Variants in PIK3CB observed in about 807,000 individuals in gnomAD.
PIK3CB encodes the protein phosphatidylinositol 4,5-bisphosphate 3-kinase catalytic subunit beta isoform.
In PIK3CB, 39 loss-of-function variants were observed where a neutral mutation model predicts 136.8. The ratio of observed to expected loss-of-function variants is 0.29; its 90% CI spans 0.22 to 0.37. The LOEUF (loss-of-function observed/expected upper bound fraction) is 0.37. PIK3CB is among the 10% of genes least tolerant of loss of function. The pLI, the probability that PIK3CB is intolerant of heterozygous loss-of-function variation, is 1.00. For missense variants in PIK3CB, 868 were observed against 1,275.4 expected, an observed-to-expected ratio of 0.68 and a Z score of 4.87; for synonymous variants, 428 against 436.6, an observed-to-expected ratio of 0.98 and a Z score of 0.25.
rs765346419 is a variant in PIK3CB at position 138,724,786 on chromosome 3, C to T, written c.1050+8575G>A. Among the ~76,000 whole-genome samples the T allele has an allele frequency of 2.2e-4, 34 of 152,254 alleles. No homozygotes were observed. The South Asian group carries it at 3.1e-3, about 14-fold the overall frequency. On this transcript the variant is annotated intron_variant, in intron 8 of 23. Coordinates refer to ENST00000674063, the MANE Select transcript of PIK3CB (RefSeq NM_006219.3). The stretch of plus-strand genomic sequence containing the variant: ...AGGAAATGACAAGGGACTTAAGGAG[C>T]TCTGTGCCAAAAGCCACGGCGGAGA...
chr3:138,734,553 A>G, intron 7 of PIK3CB, 81 bp downstream of exon 7: 2 of 1,024,048 alleles, frequency 2.0e-6, no homozygotes, highest in Non-Finnish European at 2.8e-6. Flanking sequence ...AAGTGAGCAA[A>G]GGAAATATGT....
At chr3:138,784,191 G>C (rs1342160570) in intron 2 of PIK3CB, among the ~76,000 whole-genome samples, 1 of 152,180 alleles carries the variant, frequency 6.6e-6, no homozygotes, top group East Asian at 1.9e-4. Flanking sequence ...TTTGAGACCA[G>C]CCTGACCAAC....
intron 2 of PIK3CB, among the ~76,000 whole-genome samples, chr3:138,785,073 C>A (rs1241837430): frequency 6.6e-6 from 1 of 152,134 alleles, no homozygotes; most frequent in African/African-American, 2.4e-5. Context: ...AGCATCTCTG[C>A]CCAGCAGCCG....
At position 138,653,658 on chromosome 3, in the gene PIK3CB, C is replaced by T. The variant is rs979742836; in HGVS notation, c.*1731G>A. ...ACACCAGCCCTGGAAATGAGGAATT[C>T]AGGGGCCAACTCCCATCCTCAGCTG... On this transcript the variant is annotated 3_prime_UTR_variant, in exon 24 of 24. Transcript: ENST00000674063. The T allele has an allele frequency of 5.4e-6, 1 of 183,702 alleles. No individual in the cohort carries two copies. The highest frequency in any genetic ancestry group is 1.2e-5 in the Non-Finnish European group (1 of 86,456). The allele number at this position is 183,702 out of a possible 1,614,324, so 11.4% of individuals were successfully genotyped here.
At chr3:138,730,921 C>T (rs1352188431) in intron 8 of PIK3CB, among the ~76,000 whole-genome samples, 3 of 151,964 alleles carry the variant, frequency 2.0e-5, no homozygotes, top group Non-Finnish European at 4.4e-5. Context: ...CAAAGTAATA[C>T]CCTGTCTCTA....
At chr3:138,656,758 C>T (rs1278428912) in intron 22 of PIK3CB, among the ~76,000 whole-genome samples, 1 of 152,042 alleles carries the variant, frequency 6.6e-6, no homozygotes, top group East Asian at 1.9e-4. Flanking sequence ...CAAGATGGTC[C>T]CTCAAGAAGA....
At position 138,691,136 on chromosome 3, in the gene PIK3CB, C is replaced by T; in HGVS notation, c.1900G>A (p.Glu634Lys). 6.2e-7 allele frequency: 1 copy of T among 1,611,694 alleles called. No individual in the cohort carries two copies. The highest frequency in any genetic ancestry group is 8.5e-7 in the Non-Finnish European group (1 of 1,179,148). ...AGTTGTAAAAGATATTGAGAAAGTT[C>T]TTCATCACTGAAAGAAACAAAAGAC... ...VGCLRQMSDE[E>K]LSQYLLQLVQ... The change falls in exon 15 of 24, where the codon GAA (glutamate) becomes AAA (lysine). Residue 634 changes from glutamate (E) to lysine (K), a missense_variant. Physicochemically the swap from Glu to Lys is moderately conservative, Grantham distance 56 (BLOSUM62 1). Transcript: ENST00000674063.
intron 14 of PIK3CB, 69 bp downstream of exon 14, chr3:138,694,717 G>T: frequency 6.6e-7 from 1 of 1,518,130 alleles, no homozygotes; most frequent in Admixed American, 1.9e-5. Flanking sequence ...GAGACATCAA[G>T]GAGACACCCT....
At chr3:138,689,390 T>C (rs538604330) in intron 15 of PIK3CB, among the ~76,000 whole-genome samples, 1 of 152,338 alleles carries the variant, frequency 6.6e-6, no homozygotes, top group East Asian at 1.9e-4. Flanking sequence ...AGCCCCTTCA[T>C]ACTTGCGATT....
At chr3:138,791,433 C>T (rs2046046533) in intron 2 of PIK3CB, among the ~76,000 whole-genome samples, 3 of 152,282 alleles carry the variant, frequency 2.0e-5, no homozygotes, top group Middle Eastern at 3.4e-3. Context: ...CTGCACCTGG[C>T]GGCCTCACAA....
intron 1 of PIK3CB, among the ~76,000 whole-genome samples, chr3:138,832,680 T>C (rs532842185): frequency 3.3e-5 from 5 of 151,952 alleles, no homozygotes; most frequent in African/African-American, 9.6e-5. Context: ...AAGTACAAAA[T>C]TAGCCGCGTG....
At chr3:138,699,183 A>C in intron 12 of PIK3CB, 88 bp from the exon 13 acceptor site, 1 of 395,690 alleles carries the variant, frequency 2.5e-6, no homozygotes, top group Non-Finnish European at 4.2e-6. Context: ...TATATATAAT[A>C]AATGAACCTA....
intron 13 of PIK3CB, among the ~76,000 whole-genome samples, chr3:138,698,565 T>C (rs921085231): frequency 7.2e-5 from 11 of 152,202 alleles, no homozygotes; most frequent in Non-Finnish European, 1.6e-4. Flanking sequence ...AGAACAGTCA[T>C]TGCAAAGAGT....
intron 2 of PIK3CB, among the ~76,000 whole-genome samples, chr3:138,787,247 T>C (rs541148948): frequency 1.4e-4 from 22 of 152,098 alleles, no homozygotes; most frequent in Non-Finnish European, 2.8e-4. Flanking sequence ...GTGCCTGTAA[T>C]TCCAGCTACT....
chr3:138,698,272 C>G (rs1276969279), intron 13 of PIK3CB, among the ~76,000 whole-genome samples: 1 of 152,050 alleles, frequency 6.6e-6, no homozygotes, highest in Non-Finnish European at 1.5e-5. Flanking sequence ...TTTATTTGTT[C>G]TGATTAAAAA....
intron 11 of PIK3CB, among the ~76,000 whole-genome samples, chr3:138,706,070 G>A (rs968656691): frequency 6.6e-6 from 1 of 152,152 alleles, no homozygotes; most frequent in Non-Finnish European, 1.5e-5. Flanking sequence ...CTGAGAATTT[G>A]TTCAAAGATT....
intron 2 of PIK3CB, among the ~76,000 whole-genome samples, chr3:138,769,577 AG>A (rs2045775318): frequency 6.6e-6 from 1 of 152,186 alleles, no homozygotes; most frequent in African/African-American, 2.4e-5. Context: ...AAAATTATTG[AG>A]GGAGAGGGCA....
At chr3:138,663,799 T>C (rs778504072) in intron 21 of PIK3CB, 107 bp downstream of exon 21, 10 of 1,077,002 alleles carry the variant, frequency 9.3e-6, no homozygotes, top group Non-Finnish European at 1.4e-5. Flanking sequence ...GACAAAGATA[T>C]GACACTAAGA....
At chr3:138,680,355 CAA>C (rs1043067820) in intron 19 of PIK3CB, among the ~76,000 whole-genome samples, 2 of 123,572 alleles carry the variant, frequency 1.6e-5, no homozygotes, top group Non-Finnish European at 1.7e-5. Flanking sequence ...GAGACTGTCT[CAA>C]AAAAAAAAAA....
Sources: allele counts gnomAD v4.1 joint callset (sites outside exome capture counted in the v4.1 genomes callset), GRCh38; gene constraint gnomAD v4.1.1; transcripts MANE v1.5; gene names NCBI Gene and HGNC (gene_info 2026-07-23, HGNC 2026-07-21).